The following RIPOR3 variants were observed in gnomAD, a reference collection of about 807,000 sequenced individuals.
RIPOR3 encodes the protein RIPOR family member 3.
RIPOR3 carries 95 observed loss-of-function variants against 114.3 expected under a neutral mutation model. The observed-to-expected ratio is 0.83, with a 90% CI of 0.70 to 0.99. The LOEUF (loss-of-function observed/expected upper bound fraction) is 0.99, where lower values mean the gene tolerates loss of function less well. Ranked by LOEUF, RIPOR3 falls within the 50% of genes least tolerant of loss-of-function variation. The probability of loss-of-function intolerance (pLI) is 0.00; values close to 1 mark genes in which losing one functional copy is unlikely to be tolerated. For synonymous variants in RIPOR3, 575 were observed against 543.8 expected, an observed-to-expected ratio of 1.06 and a Z score of -0.80; for missense variants, 1,252 against 1,266.9, an observed-to-expected ratio of 0.99 and a Z score of 0.18.
At chr20:50,628,329 G>A (rs147644895) in intron 2 of RIPOR3, among the ~76,000 whole-genome samples, 2 of 152,154 alleles carry the variant, frequency 1.3e-5, no homozygotes, top group East Asian at 1.9e-4. Flanking sequence ...CCCCTCCACT[G>A]AGAATGTGTC....
intron 1 of RIPOR3, among the ~76,000 whole-genome samples, chr20:50,687,316 G>A (rs2087061524): frequency 6.6e-6 from 1 of 152,230 alleles, no homozygotes; most frequent in South Asian, 2.1e-4. Context: ...AGTGCTTCGG[G>A]CAAGAGAGAG....
At chr20:50,611,016 ACCAT>A in intron 5 of RIPOR3, 110 bp from the exon 6 acceptor site, 3 of 280,390 alleles carry the variant, frequency 1.1e-5, no homozygotes, top group South Asian at 1.7e-4. Context: ...GGGGCCCCTC[ACCAT>A]CCCTGAGGAA....
intron 6 of RIPOR3, 32 bp downstream of exon 6, chr20:50,610,821 C>G: frequency 6.2e-7 from 1 of 1,613,990 alleles, no homozygotes; most frequent in Non-Finnish European, 8.5e-7. Context: ...CACTGCCCCA[C>G]CCCACCCTGC....
In RIPOR3 at chr20:50,638,154, A is replaced by G. The variant is rs1568906072; in HGVS notation, c.4-7298T>C. On this transcript the variant is annotated intron_variant, in intron 1 of 21. Transcript: ENST00000327979. ...CCATCCTCCAGAACCACCTGGAGCC[A>G]GGAGGGGACACCCAAGGTGTCTCTG... Among the ~76,000 whole-genome samples the G allele has an allele frequency of 7.2e-5, 11 of 152,348 alleles. No homozygotes were observed. The South Asian group carries it at 2.1e-3, about 29-fold the overall frequency.
intron 11 of RIPOR3, among the ~76,000 whole-genome samples, chr20:50,606,982 C>T (rs550360376): frequency 2.6e-5 from 4 of 152,258 alleles, no homozygotes; most frequent in African/African-American, 4.8e-5. Flanking sequence ...TGCCCACCTA[C>T]GCCTCTCAAA....
At chr20:50,625,935 G>A (rs1480623488) in intron 2 of RIPOR3, among the ~76,000 whole-genome samples, 1 of 152,218 alleles carries the variant, frequency 6.6e-6, no homozygotes, top group Non-Finnish European at 1.5e-5. Context: ...TCTGACTGTG[G>A]AGTAAAAATC....
In RIPOR3 at chr20:50,592,187, A is replaced by T. The variant is rs539534924; in HGVS notation, c.2577+157T>A. On this transcript the variant is annotated intron_variant, in intron 19 of 21. Coordinates refer to ENST00000327979, the MANE Select transcript of RIPOR3 (RefSeq NM_001290268.2). ...GCTTTGGAAGCAGCAAGGTGCATTC[A>T]TGTGTGTTAGATCGTAGCCCAGGTC... Among the ~76,000 whole-genome samples the T allele has an allele frequency of 3.9e-5, 6 of 152,342 alleles. No homozygotes were observed. In the East Asian group the frequency reaches 9.6e-4, roughly 24 times the overall value.
intron 4 of RIPOR3, among the ~76,000 whole-genome samples, chr20:50,613,972 C>T (rs1048451260): frequency 6.6e-6 from 1 of 152,194 alleles, no homozygotes; most frequent in Non-Finnish European, 1.5e-5. Flanking sequence ...CACCCCGAGG[C>T]CCTCTCTGCT....
intron 2 of RIPOR3, among the ~76,000 whole-genome samples, chr20:50,624,631 GT>G (rs2084549847): frequency 6.6e-6 from 1 of 152,246 alleles, no homozygotes; most frequent in Non-Finnish European, 1.5e-5. Flanking sequence ...TCTGGCCCAG[GT>G]GTCACAGAAG....
intron 1 of RIPOR3, among the ~76,000 whole-genome samples, chr20:50,640,642 G>A (rs73121740): frequency 0.32 from 43,131 of 132,964 alleles, 4,232 homozygotes; most frequent in African/African-American, 0.46. Context: ...CCCCTCCGCA[G>A]GGCTGGACAG....
At chr20:50,623,770 C>T (rs546172885) in intron 2 of RIPOR3, among the ~76,000 whole-genome samples, 6 of 152,254 alleles carry the variant, frequency 3.9e-5, no homozygotes, top group East Asian at 1.9e-4. Flanking sequence ...CACCTGCTGC[C>T]GCCAGGAGCT....
intron 1 of RIPOR3, among the ~76,000 whole-genome samples, chr20:50,647,547 A>G (rs577566736): frequency 6.8e-6 from 1 of 146,594 alleles, no homozygotes; most frequent in East Asian, 2.1e-4. Flanking sequence ...CAGTGGCGCA[A>G]TCTCGGCTCA....
chr20:50,645,265 C>T (rs2085360774), intron 1 of RIPOR3, among the ~76,000 whole-genome samples: 1 of 152,178 alleles, frequency 6.6e-6, no homozygotes, highest in Admixed American at 6.5e-5. Flanking sequence ...TACCCCTGCC[C>T]AGGAAGGCAG....
chr20:50,623,893 G>A (rs2084519461), intron 2 of RIPOR3, among the ~76,000 whole-genome samples: 1 of 152,244 alleles, frequency 6.6e-6, no homozygotes, highest in Non-Finnish European at 1.5e-5. Flanking sequence ...CTGGAGTGCA[G>A]TGGCACGATC....
Position 50,597,662 on chromosome 20 carries a change from A to C in RIPOR3, c.1708T>G (p.Cys570Gly), listed in dbSNP as rs1334462489. 32 of 1,612,024 alleles carry C rather than the reference A, an allele frequency of 2.0e-5. No homozygotes were observed. The highest frequency in any genetic ancestry group is 2.5e-5 in the Non-Finnish European group (30 of 1,179,176). ...AGGAAGGCGAAGCTCTCCAGGATGCACTCCATCAGGCTCTCGGCCGAGGTG... is the reference window on the plus strand; with the variant it reads ...AGGAAGGCGAAGCTCTCCAGGATGCCCTCCATCAGGCTCTCGGCCGAGGTG... Reference protein sequence around the residue: ...EHTSAESLMECILESFAFLNA... With the variant: ...EHTSAESLMEGILESFAFLNA... The change falls in exon 14 of 22, where the codon TGC becomes GGC. Residue 570 changes from cysteine (C) to glycine (G), a missense_variant. Transcript: ENST00000327979.
rs1307872912 is a variant in RIPOR3, at chr20:50,620,182, A to C, written c.123-50T>G. The stretch of plus-strand genomic sequence containing the variant: ...AGAAGTCAGAGAAGGGCCCTGACAA[A>C]GCCCTCCCCAGGGGCAGGCACTTTG... On this transcript the variant is annotated intron_variant, in intron 2 of 21. Transcript: ENST00000327979. 5 of 1,597,538 alleles carry C rather than the reference A, an allele frequency of 3.1e-6. No individual in the cohort carries two copies. The East Asian group carries it at 1.1e-4, about 36-fold the overall frequency.
At position 50,604,691 on chromosome 20, in the gene RIPOR3, T is replaced by C; in HGVS notation, c.1040A>G (p.Asn347Ser). 1 of 1,609,038 alleles carries C rather than the reference T, an allele frequency of 6.2e-7. No individual in the cohort carries two copies. Among genetic ancestry groups the C allele is most frequent in the African/African-American group, 1.3e-5 (1 of 74,484 alleles). The part of the protein sequence containing the change: ...SMGSRKGSLY[N>S]WTPPSTPSFR... The stretch of plus-strand genomic sequence containing the variant: ...GCTGGGGGTGCTCGGGGGTGTCCAG[T>C]TGTACAAGGAGCCCTTCCTGCTGCC... Residue 347 changes from asparagine (N) to serine (S), a missense_variant, in exon 12 of 22, where the codon AAC (asparagine) becomes AGC (serine). Coordinates refer to ENST00000327979, the MANE Select transcript of RIPOR3 (RefSeq NM_001290268.2).
chr20:50,628,842 C>G (rs1329307012), intron 2 of RIPOR3, among the ~76,000 whole-genome samples: 1 of 152,196 alleles, frequency 6.6e-6, no homozygotes, highest in Non-Finnish European at 1.5e-5. Flanking sequence ...CCCGGCACCA[C>G]CACCCATGGG....
At chr20:50,637,173 C>T (rs372232043) in intron 1 of RIPOR3, among the ~76,000 whole-genome samples, 3 of 152,094 alleles carry the variant, frequency 2.0e-5, no homozygotes, top group Non-Finnish European at 2.9e-5. Context: ...CTCATTTTAC[C>T]GATGTCAAGA....
Sources: allele counts gnomAD v4.1 joint callset (sites outside exome capture counted in the v4.1 genomes callset), GRCh38; gene constraint gnomAD v4.1.1; transcripts MANE v1.5; gene names NCBI Gene and HGNC (gene_info 2026-07-23, HGNC 2026-07-21).